USP10: variants seen among roughly 807,000 people sequenced by gnomAD.
USP10 encodes ubiquitin specific peptidase 10.
A neutral mutation model predicts 84.5 loss-of-function variants in USP10; 22 were observed. The ratio of observed to expected loss-of-function variants is 0.26; its 90% CI spans 0.19 to 0.37. The LOEUF (loss-of-function observed/expected upper bound fraction) is 0.37. Among genes scored for constraint, USP10 ranks in the 10% least tolerant of loss-of-function variants. The probability of loss-of-function intolerance (pLI) is 1.00; values close to 1 mark genes in which losing one functional copy is unlikely to be tolerated. For missense variants in USP10, 1,019 were observed against 998.9 expected, an observed-to-expected ratio of 1.02 and a Z score of -0.27; for synonymous variants, 454 against 387.6, an observed-to-expected ratio of 1.17 and a Z score of -2.01.
Position 84,779,353 on chromosome 16 carries a change from C to T in USP10, c.*271C>T. 2 of 282,572 alleles carry T rather than the reference C, an allele frequency of 7.1e-6. No individual in the cohort carries two copies. The highest frequency in any genetic ancestry group is 8.9e-5 in the South Asian group (1 of 11,174). 17.5% of individuals were successfully genotyped at this position (282,572 alleles called of 1,614,324 possible). A position where few individuals can be genotyped will look rare whatever the true frequency, so the allele number is the denominator to read the frequency against. ...CATATTTCTGAAATAATGCTGATTC[C>T]TGAGATAAGAAAGTGGATTTGATCC... On this transcript the variant is annotated 3_prime_UTR_variant, in exon 14 of 14. Coordinates refer to ENST00000219473, the MANE Select transcript of USP10 (RefSeq NM_005153.3).
intron 13 of USP10, among the ~76,000 whole-genome samples, chr16:84,778,099 GT>G (rs1915206500): frequency 2.6e-5 from 4 of 151,822 alleles, no homozygotes; most frequent in Admixed American, 6.6e-5. Context: ...AACTGTGTGT[GT>G]GTGTGTGTGT....
At chr16:84,760,311 T>C (rs1298453491) in intron 8 of USP10, 36 bp downstream of exon 8, 1 of 1,538,750 alleles carries the variant, frequency 6.5e-7, no homozygotes, top group Non-Finnish European at 8.9e-7. Context: ...GTATCAAGTG[T>C]TGCCTTTTGT....
intron 8 of USP10, among the ~76,000 whole-genome samples, chr16:84,760,850 C>G (rs964293361): frequency 3.9e-5 from 6 of 152,162 alleles, no homozygotes; most frequent in African/African-American, 1.2e-4. Flanking sequence ...TGGAGCATTT[C>G]TTTCCTCCCA....
Position 84,760,193 on chromosome 16 carries a change from G to T in USP10, c.1472G>T (p.Arg491Met), listed in dbSNP as rs770301094. The part of the protein sequence containing the change: ...PRQALGDKIV[R>M]DIRPGAAFEP... ...GCAGCTCTTGGAGATAAAATCGTGA[G>T]GGATATTCGCCCTGGAGCTGCCTTT... Residue 491 changes from arginine (R) to methionine (M), a missense_variant, in exon 8 of 14, where the codon AGG becomes ATG. Arg to Met is a moderately conservative substitution (Grantham distance 91, BLOSUM62 -1). Transcript: ENST00000219473. The T allele has an allele frequency of 6.2e-7, 1 of 1,609,592 alleles. No individual in the cohort carries two copies. The highest frequency in any genetic ancestry group is 1.1e-5 in the South Asian group (1 of 90,022).
intron 12 of USP10, 144 bp downstream of exon 12, chr16:84,772,829 A>G (rs1914598376): frequency 1.3e-5 from 14 of 1,107,194 alleles, no homozygotes; most frequent in African/African-American, 1.6e-5. Flanking sequence ...CTTGACTTGT[A>G]ATAGACCTTA....
At chr16:84,730,464 A>G (rs1909067207) in intron 1 of USP10, among the ~76,000 whole-genome samples, 1 of 152,356 alleles carries the variant, frequency 6.6e-6, no homozygotes, top group Admixed American at 6.5e-5. Context: ...AATCTATAAC[A>G]TTTTCTCAGA....
At chr16:84,762,026 T>C (rs966833033) in intron 8 of USP10, among the ~76,000 whole-genome samples, 1 of 152,250 alleles carries the variant, frequency 6.6e-6, no homozygotes, top group African/African-American at 2.4e-5. Context: ...CAGAACAATT[T>C]GCAGGGCCTT....
intron 1 of USP10, among the ~76,000 whole-genome samples, chr16:84,728,293 A>G (rs1018505689): frequency 1.8e-4 from 27 of 152,232 alleles, no homozygotes; most frequent in African/African-American, 6.3e-4. Context: ...GGTATTTGCT[A>G]TAAATATATT....
chr16:84,772,368 G>A (rs372460340), intron 11 of USP10, among the ~76,000 whole-genome samples, 173 bp from the exon 12 acceptor site: 3 of 152,298 alleles, frequency 2.0e-5, no homozygotes, highest in African/African-American at 7.2e-5. Flanking sequence ...ATTTTCTTAA[G>A]AGGAGCATTG....
intron 8 of USP10, among the ~76,000 whole-genome samples, chr16:84,762,294 G>A (rs1462625361): frequency 2.6e-5 from 4 of 152,216 alleles, no homozygotes; most frequent in Admixed American, 1.3e-4. Context: ...CTCGAGTGGT[G>A]ACCCTTGCAG....
At chr16:84,735,209 G>A (rs1043421993) in intron 2 of USP10, among the ~76,000 whole-genome samples, 12 of 62,394 alleles carry the variant, frequency 1.9e-4, no homozygotes, top group African/African-American at 3.5e-4. Flanking sequence ...GTGTGTGTGT[G>A]TGTGTGTGTG....
chr16:84,700,100 C>A lies in USP10; in HGVS notation c.10C>A (p.His4Asn). The A allele has an allele frequency of 7.4e-7, 1 of 1,358,734 alleles. No homozygotes were observed. Among genetic ancestry groups the A allele is most frequent in the Non-Finnish European group, 9.7e-7 (1 of 1,034,762 alleles). 84.2% of individuals were successfully genotyped at this position (1,358,734 alleles called of 1,614,324 possible). MALHSPQYIFGDFS... is the reference protein window; with the variant it reads MALNSPQYIFGDFS... ...AATGAAACGGGCAGCCATGGCCCTC[C>A]ACAGCCCGCAGGTAGCCGCCGGTCT... The change falls in exon 1 of 14, where the codon CAC becomes AAC. Residue 4 changes from histidine (H) to asparagine (N), a missense_variant. Coordinates refer to ENST00000219473, the MANE Select transcript of USP10 (RefSeq NM_005153.3).
In USP10 at chr16:84,779,398, GAATA is replaced by G. The variant is rs1915344959; in HGVS notation, c.*320_*323del. 1 of 200,898 alleles carries G rather than the reference GAATA, an allele frequency of 5.0e-6. No homozygotes were observed. The highest frequency in any genetic ancestry group is 1.6e-4 in the South Asian group (1 of 6,354). The allele number at this position is 200,898 out of a possible 1,614,324, so 12.4% of individuals were successfully genotyped here. A position where few individuals can be genotyped will look rare whatever the true frequency, so the allele number is the denominator to read the frequency against. On this transcript the variant is annotated 3_prime_UTR_variant, in exon 14 of 14. Transcript: ENST00000219473. The stretch of plus-strand genomic sequence containing the variant: ...TGATCCCCAGTCTCATTGCTTAGTA[GAATA>G]AATCCTGCACCAGCAACAACACTTG...
At chr16:84,725,759 C>T (rs1908386097) in intron 1 of USP10, among the ~76,000 whole-genome samples, 1 of 152,156 alleles carries the variant, frequency 6.6e-6, no homozygotes. Context: ...TCCAAGAGAT[C>T]CTTTTGGAGA....
chr16:84,733,710 A>G (rs1441934402), intron 2 of USP10, among the ~76,000 whole-genome samples: 2 of 152,234 alleles, frequency 1.3e-5, no homozygotes, highest in East Asian at 3.8e-4. Context: ...TTTGAAAAGC[A>G]AATAAAACAT....
At chr16:84,760,149 C>G (rs528484567) in intron 7 of USP10, 23 bp from the exon 8 acceptor site, 1 of 1,586,748 alleles carries the variant, frequency 6.3e-7, no homozygotes, top group Non-Finnish European at 8.6e-7. Context: ...GTTAGGAAAA[C>G]CTGTGTCCTC....
At chr16:84,701,689 A>T (rs1354538581) in intron 1 of USP10, among the ~76,000 whole-genome samples, 1 of 152,220 alleles carries the variant, frequency 6.6e-6, no homozygotes, top group African/African-American at 2.4e-5. Context: ...ATGTTAATTA[A>T]TGGGGATGGA....
intron 1 of USP10, among the ~76,000 whole-genome samples, chr16:84,712,388 G>C (rs1335148838): frequency 6.6e-6 from 1 of 152,196 alleles, no homozygotes; most frequent in Non-Finnish European, 1.5e-5. Context: ...GGGTCAGGAA[G>C]GCTTTCTTGA....
intron 11 of USP10, among the ~76,000 whole-genome samples, chr16:84,771,870 C>G (rs1363291083): frequency 1.3e-5 from 2 of 151,970 alleles, no homozygotes; most frequent in African/African-American, 2.4e-5. Flanking sequence ...CTCCCTCCCC[C>G]CAAAAAAGGC....
Sources: gnomAD v4.1 joint callset for allele counts (sites outside exome capture counted in the v4.1 genomes callset) on GRCh38, gnomAD v4.1.1 for gene constraint, MANE v1.5 for transcripts, NCBI Gene and HGNC (gene_info 2026-07-23, HGNC 2026-07-21) for gene names.